Variants in MAP3K5 observed in about 807,000 individuals in gnomAD.
MAP3K5 encodes mitogen-activated protein kinase kinase kinase 5.
A neutral mutation model predicts 158.7 loss-of-function variants in MAP3K5; 56 were observed. The observed-to-expected ratio is 0.35, with a 90% CI of 0.28 to 0.44. MAP3K5 has a LOEUF of 0.44. Among genes scored for constraint, MAP3K5 ranks in the 20% least tolerant of loss-of-function variants. MAP3K5 has a pLI of 1.00. For missense variants in MAP3K5, 1,294 were observed against 1,674.8 expected, an observed-to-expected ratio of 0.77 and a Z score of 3.97; for synonymous variants, 579 against 601.7, an observed-to-expected ratio of 0.96 and a Z score of 0.55.
At chr6:136,664,174 A>G (rs1779128629) in intron 8 of MAP3K5, among the ~76,000 whole-genome samples, 2 of 152,168 alleles carry the variant, frequency 1.3e-5, no homozygotes, top group Non-Finnish European at 1.5e-5. Flanking sequence ...CAGCAACAGC[A>G]TTAGATTCTC....
rs527711550 is a variant in MAP3K5, at chr6:136,576,075, C to T, written c.3517+4226G>A. Among the ~76,000 whole-genome samples the T allele has an allele frequency of 2.6e-5, 4 of 152,250 alleles. No homozygotes were observed. In the East Asian group the frequency reaches 7.7e-4, roughly 29 times the overall value. Reference sequence around the variant, plus strand: ...TTTATCAGTCGCAATTCTACTATAACAAAAAGGTGATCTTTCTCGTCCATA... The same window carrying T: ...TTTATCAGTCGCAATTCTACTATAATAAAAAGGTGATCTTTCTCGTCCATA... On this transcript the variant is annotated intron_variant, in intron 25 of 29. Coordinates refer to ENST00000359015, the MANE Select transcript of MAP3K5 (RefSeq NM_005923.4).
At chr6:136,650,197 T>C (rs1028949185) in intron 11 of MAP3K5, among the ~76,000 whole-genome samples, 8 of 150,332 alleles carry the variant, frequency 5.3e-5, no homozygotes, top group South Asian at 2.1e-4. Context: ...ATTTATTAAA[T>C]GAGTAAGTTG....
At position 136,720,477 on chromosome 6, in the gene MAP3K5, A is replaced by G; in HGVS notation, c.561T>C (p.Thr187=). The part of the protein sequence containing the change: ...MANNIILYCD[T]NSDSLQSLKE... ...TCAGTGACTGCAGAGAGTCCGAGTT[A>G]GTATCACAGTAGAGGATGATGTTGT... The change falls in exon 2 of 30, where the codon ACT becomes ACC. Residue 187 remains threonine, a synonymous_variant. Coordinates refer to ENST00000359015, the MANE Select transcript of MAP3K5 (RefSeq NM_005923.4). 6.2e-7 allele frequency: 1 copy of G among 1,611,390 alleles called. No homozygotes were observed. Among genetic ancestry groups the G allele is most frequent in the Non-Finnish European group, 8.5e-7 (1 of 1,178,616 alleles).
intron 1 of MAP3K5, among the ~76,000 whole-genome samples, chr6:136,772,803 A>G (rs942294046): frequency 4.6e-5 from 7 of 152,228 alleles, no homozygotes; most frequent in Non-Finnish European, 4.4e-5. Context: ...AGTGGTTGAG[A>G]AAACAAGAAA....
At chr6:136,632,184 G>T (rs1777397922) in intron 14 of MAP3K5, among the ~76,000 whole-genome samples, 1 of 152,168 alleles carries the variant, frequency 6.6e-6, no homozygotes, top group Non-Finnish European at 1.5e-5. Flanking sequence ...GCTACAGCCA[G>T]AGGGGGTGAG....
At chr6:136,732,286 A>G (rs1782260898) in intron 1 of MAP3K5, among the ~76,000 whole-genome samples, 1 of 152,060 alleles carries the variant, frequency 6.6e-6, no homozygotes, top group African/African-American at 2.4e-5. Flanking sequence ...CTAGCCAGGC[A>G]CAGTGGCGGG....
intron 7 of MAP3K5, among the ~76,000 whole-genome samples, chr6:136,682,969 A>C (rs1211499609): frequency 1.3e-5 from 2 of 152,356 alleles, no homozygotes; most frequent in African/African-American, 2.4e-5. Flanking sequence ...TTTTAGAACA[A>C]GGGAAATTTA....
intron 1 of MAP3K5, among the ~76,000 whole-genome samples, chr6:136,791,395 G>C (rs1785067171): frequency 1.3e-5 from 2 of 152,084 alleles, no homozygotes; most frequent in South Asian, 4.2e-4. Flanking sequence ...ACACTGAAAG[G>C]AGAAAGACTG....
chr6:136,560,515 G>A (rs202108297), intron 28 of MAP3K5, among the ~76,000 whole-genome samples: 1 of 152,076 alleles, frequency 6.6e-6, no homozygotes, highest in Admixed American at 6.6e-5. Flanking sequence ...ACAGAGCAGA[G>A]AGGAATTAGA....
At chr6:136,731,109 G>A (rs1419791577) in intron 1 of MAP3K5, among the ~76,000 whole-genome samples, 1 of 152,118 alleles carries the variant, frequency 6.6e-6, no homozygotes, top group Non-Finnish European at 1.5e-5. Context: ...TCACAATGGC[G>A]CACGCCTTGG....
chr6:136,643,276 T>C (rs917751770), intron 11 of MAP3K5, among the ~76,000 whole-genome samples: 1 of 152,264 alleles, frequency 6.6e-6, no homozygotes, highest in Non-Finnish European at 1.5e-5. Flanking sequence ...ATCAAATTCA[T>C]ATGTCCCTAA....
chr6:136,657,931 T>C (rs1161113063), intron 9 of MAP3K5, among the ~76,000 whole-genome samples: 2 of 152,306 alleles, frequency 1.3e-5, no homozygotes, highest in East Asian at 3.9e-4. Flanking sequence ...TAAGACAAAA[T>C]GATGGACTTT....
chr6:136,740,181 C>T (rs1012243811), intron 1 of MAP3K5, among the ~76,000 whole-genome samples: 1 of 152,196 alleles, frequency 6.6e-6, no homozygotes, highest in Non-Finnish European at 1.5e-5. Context: ...CAGTAAATTG[C>T]ATTTCATCTT....
intron 10 of MAP3K5, among the ~76,000 whole-genome samples, chr6:136,651,681 C>T (rs535901885): frequency 2.6e-5 from 4 of 152,144 alleles, no homozygotes; most frequent in South Asian, 2.1e-4. Flanking sequence ...ATGAAACTGG[C>T]GTCTTCAATA....
At chr6:136,751,960 T>C (rs890860616) in intron 1 of MAP3K5, among the ~76,000 whole-genome samples, 1 of 152,254 alleles carries the variant, frequency 6.6e-6, no homozygotes, top group Non-Finnish European at 1.5e-5. Context: ...GTTAAATTTA[T>C]AGAAACATCT....
intron 8 of MAP3K5, among the ~76,000 whole-genome samples, chr6:136,664,924 C>T (rs1779162135): frequency 6.6e-6 from 1 of 152,112 alleles, no homozygotes; most frequent in African/African-American, 2.4e-5. Context: ...AAGAGTGAGA[C>T]TCTATCTCAA....
At chr6:136,744,349 A>G (rs1297346381) in intron 1 of MAP3K5, among the ~76,000 whole-genome samples, 1 of 151,660 alleles carries the variant, frequency 6.6e-6, no homozygotes, top group Non-Finnish European at 1.5e-5. Flanking sequence ...ATATATATGT[A>G]TATATACACG....
chr6:136,672,208 G>A (rs1779512153), intron 7 of MAP3K5, among the ~76,000 whole-genome samples: 1 of 152,114 alleles, frequency 6.6e-6, no homozygotes, highest in South Asian at 2.1e-4. Context: ...GTCTACTTGG[G>A]AGCCATTACT....
intron 2 of MAP3K5, among the ~76,000 whole-genome samples, chr6:136,708,682 G>C (rs1288272147): frequency 1.3e-5 from 2 of 152,152 alleles, no homozygotes; most frequent in African/African-American, 4.8e-5. Context: ...GAGTGGCATT[G>C]TAGAGGAAGG....
Sources: gnomAD v4.1 joint callset for allele counts (sites outside exome capture counted in the v4.1 genomes callset) on GRCh38, gnomAD v4.1.1 for gene constraint, MANE v1.5 for transcripts, NCBI Gene and HGNC (gene_info 2026-07-23, HGNC 2026-07-21) for gene names.